Variants in CNKSR2 observed in about 807,000 individuals in gnomAD.
The protein encoded by CNKSR2 is CNK homolog protein 2.
A neutral mutation model predicts 84.4 loss-of-function variants in CNKSR2; 14 were observed. The observed-to-expected ratio is 0.17, with a 90% CI of 0.11 to 0.26. The LOEUF is 0.26. Ranked by LOEUF, CNKSR2 falls within the 10% of genes least tolerant of loss-of-function variation. The pLI, the probability that CNKSR2 is intolerant of heterozygous loss-of-function variation, is 1.00. For missense variants in CNKSR2, 485 were observed against 771.2 expected (o/e 0.63, Z 4.40); for synonymous variants, 275 against 277.9 (o/e 0.99, Z 0.10).
Position 21,481,919 on chromosome X carries a change from T to C in CNKSR2, c.562-8540T>C, listed in dbSNP as rs371868095. 8.1e-5 allele frequency among the ~76,000 whole-genome samples: 9 copies of C among 111,528 alleles called. No individual in the cohort carries two copies. The East Asian group carries it at 2.6e-3, about 32-fold the overall frequency. On this transcript the variant is annotated intron_variant, in intron 5 of 21. Coordinates refer to ENST00000379510, the MANE Select transcript of CNKSR2 (RefSeq NM_014927.5). Reference sequence around the variant, plus strand: ...CTGAATGAACTTGAAAGCAGATTCTTCCCTACTTACACCTCCCTGTAGGAA... The same window carrying C: ...CTGAATGAACTTGAAAGCAGATTCTCCCCTACTTACACCTCCCTGTAGGAA...
Position 21,609,182 on chromosome X carries a change from A to G in CNKSR2, c.2257A>G (p.Ser753Gly), listed in dbSNP as rs1368364085. Residue 753 changes from serine (S) to glycine (G), a missense_variant, in exon 20 of 22, where the codon AGT becomes GGT. Transcript: ENST00000379510. ...EEFRQEVTGS[S>G]AVSPIRKTAS... ...GTTTCGCCAGGAAGTAACTGGGAGC[A>G]GTGCAGTGTCTCCCATTCGCAAGAC... 3 of 1,208,253 alleles carry G rather than the reference A, an allele frequency of 2.5e-6. No individual in the cohort carries two copies. The highest frequency in any genetic ancestry group is 1.8e-5 in the South Asian group (1 of 56,736).
chrX:21,433,977 G>A (rs2147071071), intron 3 of CNKSR2, among the ~76,000 whole-genome samples: 1 of 110,581 alleles, frequency 9.0e-6, no homozygotes, highest in East Asian at 2.8e-4. Flanking sequence ...ACATTATCAA[G>A]TGTTTAAATT....
intron 13 of CNKSR2, among the ~76,000 whole-genome samples, chrX:21,586,799 A>G (rs1311425029): frequency 3.6e-5 from 4 of 111,903 alleles, no homozygotes; most frequent in East Asian, 2.8e-4. Flanking sequence ...ATTAGATTAG[A>G]TACAATCAGT....
rs148072249 is a variant in CNKSR2 at position 21,400,142 on chromosome X, A to G, written c.64+25181A>G. Among the ~76,000 whole-genome samples the G allele has an allele frequency of 5.2e-3, 585 of 111,636 alleles. 4 individuals carry two copies. Among genetic ancestry groups the G allele is most frequent in the African/African-American group, 0.018 (569 of 30,833 alleles). ...CATGCCAGTAACCTGCAATTAATTA[A>G]TACTGTAATTGAAGTTCAATGAAAT... On this transcript the variant is annotated intron_variant, in intron 1 of 21. Transcript: ENST00000379510.
intron 1 of CNKSR2, among the ~76,000 whole-genome samples, chrX:21,401,930 T>G (rs1191622944): frequency 1.8e-5 from 2 of 111,512 alleles, no homozygotes; most frequent in Non-Finnish European, 3.8e-5. Flanking sequence ...TAACCAATTT[T>G]AAAGATGAAA....
Position 21,497,784 on chromosome X carries a change from T to C in CNKSR2, c.682-3T>C. ...TTCTTTTCTGATGCTGTCTTTTTCT[T>C]AGGGTATGTATATTAAATCTACATA... On this transcript the variant is annotated splice_polypyrimidine_tract_variant and splice_region_variant and intron_variant, in intron 6 of 21. Coordinates refer to ENST00000379510, the MANE Select transcript of CNKSR2 (RefSeq NM_014927.5). 1 of 853,683 alleles carries C rather than the reference T, an allele frequency of 1.2e-6. No homozygotes were observed. The highest frequency in any genetic ancestry group is 2.1e-5 in the South Asian group (1 of 47,814). The allele number at this position is 853,683 out of a possible 1,213,427, so 70.4% of individuals were successfully genotyped here. A position where few individuals can be genotyped will look rare whatever the true frequency, so the allele number is the denominator to read the frequency against.
At chrX:21,566,799 G>A (rs2092243170) in intron 13 of CNKSR2, among the ~76,000 whole-genome samples, 1 of 111,345 alleles carries the variant, frequency 9.0e-6, no homozygotes, top group Non-Finnish European at 1.9e-5. Context: ...GTTCTGTTGT[G>A]GAAAACGTCC....
chrX:21,411,567 T>A (rs767434398), intron 1 of CNKSR2, among the ~76,000 whole-genome samples: 1 of 111,144 alleles, frequency 9.0e-6, no homozygotes, highest in African/African-American at 3.3e-5. Context: ...TTTCAGTGCC[T>A]CATACTCTCA....
intron 4 of CNKSR2, among the ~76,000 whole-genome samples, chrX:21,447,104 C>T (rs749172544): frequency 8.1e-5 from 9 of 111,314 alleles, no homozygotes; most frequent in Non-Finnish European, 1.1e-4. Context: ...ACAATGCTGT[C>T]ACTCTGTTTC....
At chrX:21,423,539 T>C (rs956366082) in intron 1 of CNKSR2, 2 of 112,118 alleles carry the variant, frequency 1.8e-5, no homozygotes, top group Non-Finnish European at 1.9e-5. Context: ...TAAAATTTTA[T>C]TTGGTTTTCT....
At chrX:21,398,329 G>A (rs915363058) in intron 1 of CNKSR2, among the ~76,000 whole-genome samples, 2 of 111,848 alleles carry the variant, frequency 1.8e-5, no homozygotes, top group African/African-American at 6.5e-5. Context: ...TATTCAATAA[G>A]TGAAAATATA....
chrX:21,400,270 C>A (rs1239346249), intron 1 of CNKSR2, among the ~76,000 whole-genome samples: 3 of 108,072 alleles, frequency 2.8e-5, no homozygotes, highest in Non-Finnish European at 5.8e-5. Flanking sequence ...AATAAAGAGC[C>A]CAAGAATGGG....
chrX:21,382,498 A>AT (rs763528863), intron 1 of CNKSR2, among the ~76,000 whole-genome samples: 2 of 111,089 alleles, frequency 1.8e-5, no homozygotes, highest in Non-Finnish European at 3.8e-5. Context: ...TCATTTGGGT[A>AT]TTTTTTAAAG....
At chrX:21,540,531 TA>T (rs917337660) in intron 11 of CNKSR2, among the ~76,000 whole-genome samples, 8 of 110,991 alleles carry the variant, frequency 7.2e-5, no homozygotes, top group South Asian at 3.7e-4. Context: ...ATATATTGTT[TA>T]AAAAAAAACT....
intron 11 of CNKSR2, among the ~76,000 whole-genome samples, chrX:21,537,056 T>C (rs1351211753): frequency 9.0e-6 from 1 of 110,514 alleles, no homozygotes; most frequent in East Asian, 2.8e-4. Flanking sequence ...ATCCCATAGG[T>C]TTTTGTATAT....
rs3050694 is a variant in CNKSR2, at chrX:21,452,753, C to CTTATTTTATTTTATT, written c.519+12025_519+12039dup. Among the ~76,000 whole-genome samples, 382 of 86,839 alleles carry CTTATTTTATTTTATT rather than the reference C, an allele frequency of 4.4e-3. 3 individuals carry two copies. Among genetic ancestry groups the CTTATTTTATTTTATT allele is most frequent in the Non-Finnish European group, 5.6e-3 (251 of 45,196 alleles). 75.4% of individuals were successfully genotyped at this position (86,839 alleles called of 115,157 possible). A position where few individuals can be genotyped will look rare whatever the true frequency, so the allele number is the denominator to read the frequency against. Reference sequence around the variant, plus strand: ...GTTCTCAGCCATTTTACAAGCATGACTTATTTTATTTTATTTTATTTTATT... The same window carrying CTTATTTTATTTTATT: ...GTTCTCAGCCATTTTACAAGCATGACTTATTTTATTTTATTTTATTTTATTTTATTTTATTTTATT... On this transcript the variant is annotated intron_variant, in intron 4 of 21. Transcript: ENST00000379510.
At chrX:21,648,794 CT>C (rs33962399) in intron 20 of CNKSR2, 36 bp from the exon 21 acceptor site, 12,018 of 302,792 alleles carry the variant, frequency 0.04, no homozygotes, top group East Asian at 0.053. Flanking sequence ...CTCTCTCTTT[CT>C]TTTTTTTTTT....
At chrX:21,610,828 C>G (rs2147286843) in intron 20 of CNKSR2, among the ~76,000 whole-genome samples, 1 of 112,115 alleles carries the variant, frequency 8.9e-6, no homozygotes, top group East Asian at 2.8e-4. Flanking sequence ...AAATGGTAGT[C>G]TCTTTGGAAA....
chrX:21,510,895 G>A (rs1024185957), intron 8 of CNKSR2, among the ~76,000 whole-genome samples: 3 of 111,883 alleles, frequency 2.7e-5, no homozygotes. Flanking sequence ...CTTGGATAAT[G>A]AAGAAGATAA....
Sources: allele counts gnomAD v4.1 joint callset (sites outside exome capture counted in the v4.1 genomes callset), GRCh38; gene constraint gnomAD v4.1.1; transcripts MANE v1.5; gene names NCBI Gene and HGNC (gene_info 2026-07-23, HGNC 2026-07-21).